The following PDE3B variants were observed in gnomAD, a reference collection of about 807,000 sequenced individuals.
The protein encoded by PDE3B is cGMP-inhibited 3',5'-cyclic phosphodiesterase 3B.
Under a neutral mutation model 116.8 loss-of-function variants are expected in PDE3B, and 66 were observed. The observed-to-expected ratio is 0.56, with a 90% CI of 0.46 to 0.69. PDE3B has a LOEUF of 0.69. Among genes scored for constraint, PDE3B ranks in the 30% least tolerant of loss-of-function variants. PDE3B has a pLI of 0.00. For missense variants in PDE3B, 1,384 were observed against 1,368.1 expected, an observed-to-expected ratio of 1.01 and a Z score of -0.18; for synonymous variants, 595 against 533.6, an observed-to-expected ratio of 1.12 and a Z score of -1.59.
intron 12 of PDE3B, among the ~76,000 whole-genome samples, chr11:14,855,659 G>C (rs1847835514): frequency 6.6e-6 from 1 of 152,074 alleles, no homozygotes; most frequent in Non-Finnish European, 1.5e-5. Flanking sequence ...GAGAGAGAGA[G>C]AGAGACAGAG....
At chr11:14,689,618 A>T (rs1854990313) in intron 1 of PDE3B, among the ~76,000 whole-genome samples, 2 of 152,182 alleles carry the variant, frequency 1.3e-5, no homozygotes, top group African/African-American at 4.8e-5. Context: ...TGACTTTGGG[A>T]AATACATTAT....
chr11:14,645,983 G>C (rs776836696), intron 1 of PDE3B, among the ~76,000 whole-genome samples: 1 of 152,196 alleles, frequency 6.6e-6, no homozygotes, highest in South Asian at 2.1e-4. Flanking sequence ...CTAGAGATGA[G>C]AAATCTAGGC....
At chr11:14,853,561 G>A (rs1382294014) in intron 12 of PDE3B, among the ~76,000 whole-genome samples, 10 of 152,180 alleles carry the variant, frequency 6.6e-5, no homozygotes, top group African/African-American at 2.4e-4. Context: ...AAGTAACAAA[G>A]TAGGTTCTTT....
intron 1 of PDE3B, chr11:14,674,488 G>T: frequency 1.8e-6 from 1 of 563,826 alleles, no homozygotes; most frequent in South Asian, 1.4e-5. Context: ...ATGAAGAAGA[G>T]GCCCATGAAA....
At position 14,788,974 on chromosome 11, in the gene PDE3B, TA is replaced by T. The variant is rs1858301382; in HGVS notation, c.1279-128del. 1.7e-5 allele frequency: 10 copies of T among 572,422 alleles called. No individual in the cohort carries two copies. The South Asian group carries it at 3.3e-4, about 19-fold the overall frequency. 35.5% of individuals were successfully genotyped at this position (572,422 alleles called of 1,614,324 possible). A position where few individuals can be genotyped will look rare whatever the true frequency, so the allele number is the denominator to read the frequency against. On this transcript the variant is annotated intron_variant, in intron 3 of 15. Coordinates refer to ENST00000282096, the MANE Select transcript of PDE3B (RefSeq NM_000922.4). ...GGAGTAAATTGACAGATTTTCAGAA[TA>T]AAATGTTTCTTTTTTCTCTGTACAT...
intron 12 of PDE3B, among the ~76,000 whole-genome samples, chr11:14,847,222 A>G: frequency 6.6e-6 from 1 of 152,062 alleles, no homozygotes. Context: ...AAACTGAACA[A>G]CCTGCTCCTG....
At chr11:14,665,219 C>T (rs1234561095) in intron 1 of PDE3B, among the ~76,000 whole-genome samples, 2 of 152,134 alleles carry the variant, frequency 1.3e-5, no homozygotes, top group Non-Finnish European at 2.9e-5. Flanking sequence ...ATTCAACAAC[C>T]CTTCATGCTA....
At chr11:14,656,874 C>A (rs144399028) in intron 1 of PDE3B, among the ~76,000 whole-genome samples, 2 of 152,092 alleles carry the variant, frequency 1.3e-5, no homozygotes, top group Admixed American at 6.5e-5. Context: ...ATGAGACAAT[C>A]CGTTTTTATT....
chr11:14,715,332 T>C (rs1177862983), intron 1 of PDE3B, among the ~76,000 whole-genome samples: 1 of 152,162 alleles, frequency 6.6e-6, no homozygotes, highest in Admixed American at 6.5e-5. Flanking sequence ...TGGCATTGGA[T>C]CTATAAATTA....
At chr11:14,768,256 C>T (rs1332165889) in intron 1 of PDE3B, among the ~76,000 whole-genome samples, 1 of 151,480 alleles carries the variant, frequency 6.6e-6, no homozygotes, top group Non-Finnish European at 1.5e-5. Context: ...AGTACAGAGA[C>T]TAAAGAAACA....
At chr11:14,808,046 C>A (rs1397112710) in intron 5 of PDE3B, among the ~76,000 whole-genome samples, 1 of 147,186 alleles carries the variant, frequency 6.8e-6, no homozygotes, top group Non-Finnish European at 1.5e-5. Flanking sequence ...GACGACAAAG[C>A]GAGCCTTCGT....
chr11:14,880,330 T>C, the PDE3B span: 6 of 1,613,336 alleles, frequency 3.7e-6, no homozygotes, highest in South Asian at 4.4e-5. Flanking sequence ...TAGCTGAGGC[T>C]TTCTGTTGAC....
chr11:14,646,341 T>A (rs1248660886), intron 1 of PDE3B, among the ~76,000 whole-genome samples: 2 of 152,236 alleles, frequency 1.3e-5, no homozygotes, highest in African/African-American at 2.4e-5. Context: ...TGATCTGTAA[T>A]GTTCCAATGA....
intron 1 of PDE3B, among the ~76,000 whole-genome samples, chr11:14,689,754 TAATTA>T (rs1854993528): frequency 2.0e-5 from 3 of 152,186 alleles, no homozygotes; most frequent in Non-Finnish European, 4.4e-5. Flanking sequence ...ATCATTAAGC[TAATTA>T]AATTTAAGCT....
At chr11:14,649,286 C>T (rs1260077832) in intron 1 of PDE3B, among the ~76,000 whole-genome samples, 1 of 151,970 alleles carries the variant, frequency 6.6e-6, no homozygotes, top group East Asian at 1.9e-4. Context: ...TTTATTCTTG[C>T]CGAAAAAGCC....
chr11:14,765,205 T>C (rs1857465922), intron 1 of PDE3B, among the ~76,000 whole-genome samples: 1 of 152,016 alleles, frequency 6.6e-6, no homozygotes, highest in African/African-American at 2.4e-5. Context: ...AACAGTTAAT[T>C]CAGAGCCGTA....
chr11:14,647,755 A>G (rs1853451550), intron 1 of PDE3B, among the ~76,000 whole-genome samples: 1 of 152,032 alleles, frequency 6.6e-6, no homozygotes, highest in Non-Finnish European at 1.5e-5. Context: ...TTCTATCAAT[A>G]GAAATGTTTT....
chr11:14,705,937 A>C (rs1484032946), intron 1 of PDE3B, among the ~76,000 whole-genome samples: 1 of 151,924 alleles, frequency 6.6e-6, no homozygotes, highest in Non-Finnish European at 1.5e-5. Context: ...TACAATTAAA[A>C]ATGTGGCAAT....
chr11:14,680,391 C>T (rs1475209692), intron 1 of PDE3B, among the ~76,000 whole-genome samples: 1 of 152,082 alleles, frequency 6.6e-6, no homozygotes, highest in Non-Finnish European at 1.5e-5. Context: ...GCTGTTTGGC[C>T]CCAGTGTTCT....
Sources: gnomAD v4.1 joint callset for allele counts (sites outside exome capture counted in the v4.1 genomes callset) on GRCh38, gnomAD v4.1.1 for gene constraint, MANE v1.5 for transcripts, NCBI Gene and HGNC (gene_info 2026-07-23, HGNC 2026-07-21) for gene names.